The following KHDRBS1 variants were observed in gnomAD, a reference collection of about 807,000 sequenced individuals.
KHDRBS1 encodes KH RNA binding domain containing, signal transduction associated 1, also known as KH domain-containing, RNA-binding, signal transduction-associated protein 1.
KHDRBS1 carries 7 observed loss-of-function variants against 48.4 expected under a neutral mutation model. The ratio of observed to expected loss-of-function variants is 0.14; its 90% CI spans 0.08 to 0.27. The LOEUF is 0.27. Ranked by LOEUF, KHDRBS1 falls within the 10% of genes least tolerant of loss-of-function variation. The pLI is 1.00. For missense variants in KHDRBS1, 458 were observed against 601.2 expected (o/e 0.76, Z 2.49); for synonymous variants, 241 against 235.8 (o/e 1.02, Z -0.20).
intron 1 of KHDRBS1, among the ~76,000 whole-genome samples, chr1:32,019,103 A>G (rs969517345): frequency 2.0e-5 from 3 of 150,946 alleles, no homozygotes; most frequent in East Asian, 1.9e-4. Context: ...GTCTTAAAAA[A>G]CAAACAAACA....
In KHDRBS1 at chr1:32,039,586, C is replaced by T. The variant is rs561023203; in HGVS notation, c.1234+13C>T. 2 of 1,369,606 alleles carry T rather than the reference C, an allele frequency of 1.5e-6. No homozygotes were observed. The highest frequency in any genetic ancestry group is 4.6e-5 in the East Asian group (2 of 43,708). The allele number at this position is 1,369,606 out of a possible 1,614,324, so 84.8% of individuals were successfully genotyped here. A position where few individuals can be genotyped will look rare whatever the true frequency, so the allele number is the denominator to read the frequency against. On this transcript the variant is annotated intron_variant, in intron 8 of 8. Transcript: ENST00000327300. ...TATGAAGCTTATGGTATGTCTTTAT[C>T]TCTGTGGTGGGGCAGAATGTACAAG... is the stretch of plus-strand genomic sequence containing the variant.
chr1:32,024,492 T>A (rs115850310), intron 1 of KHDRBS1, among the ~76,000 whole-genome samples: 2,176 of 151,848 alleles, frequency 0.014, 17 homozygotes, highest in Middle Eastern at 0.061. Flanking sequence ...ATTTATTTTT[T>A]TTTTTTTTAA....
At chr1:32,026,639 T>C (rs1638976110) in intron 1 of KHDRBS1, among the ~76,000 whole-genome samples, 3 of 152,154 alleles carry the variant, frequency 2.0e-5, no homozygotes. Context: ...AAACACACCT[T>C]CTTGTAGGAG....
chr1:32,017,440 C>G (rs57244658), intron 1 of KHDRBS1, among the ~76,000 whole-genome samples: 4,114 of 150,408 alleles, frequency 0.027, 187 homozygotes, highest in African/African-American at 0.094. Flanking sequence ...TATTTATATA[C>G]TAAGTAAAAT....
exon 11 of KHDRBS1, chr1:32,060,488 ATG>A (rs1639530806): frequency 1.3e-5 from 2 of 152,086 alleles, no homozygotes; most frequent in Admixed American, 1.3e-4. Flanking sequence ...CATTCCCAGT[ATG>A]TGTGCTTCCC....
At chr1:32,047,643 A>G (rs568207465), downstream of KHDRBS1, among the ~76,000 whole-genome samples, 3 of 152,194 alleles carry the variant, frequency 2.0e-5, no homozygotes, top group South Asian at 4.1e-4. Context: ...GCATCATAAT[A>G]TCCTAACAGA....
chr1:32,036,593 G>C (rs752926383), intron 4 of KHDRBS1, among the ~76,000 whole-genome samples: 5 of 152,300 alleles, frequency 3.3e-5, no homozygotes, highest in Admixed American at 3.3e-4. Flanking sequence ...GCAAAGAATG[G>C]ATATGTAAGA....
chr1:32,015,061 C>T (rs768456106), intron 1 of KHDRBS1, among the ~76,000 whole-genome samples: 3 of 152,092 alleles, frequency 2.0e-5, no homozygotes, highest in Non-Finnish European at 4.4e-5. Flanking sequence ...GTGAAGTAAC[C>T]CTAGAGACAG....
intron 4 of KHDRBS1, 92 bp from the exon 5 acceptor site, chr1:32,036,818 T>A (rs1383716873): frequency 7.2e-7 from 1 of 1,384,752 alleles, no homozygotes; most frequent in Non-Finnish European, 9.8e-7. Context: ...TCTCAAGAGC[T>A]CTTCTTAGAA....
At chr1:32,016,848 C>A in intron 1 of KHDRBS1, among the ~76,000 whole-genome samples, 1 of 152,204 alleles carries the variant, frequency 6.6e-6, no homozygotes, top group East Asian at 1.9e-4. Flanking sequence ...AATCTTTTGT[C>A]TACTTTGTTC....
At chr1:32,041,962 C>T (rs1270652813) in intron 8 of KHDRBS1, among the ~76,000 whole-genome samples, 1 of 152,204 alleles carries the variant, frequency 6.6e-6, no homozygotes, top group Non-Finnish European at 1.5e-5. Context: ...GCAGTATCAG[C>T]TCTGCTGGTG....
At position 32,033,280 on chromosome 1, in the gene KHDRBS1, G is replaced by C. The variant is rs1382962110; in HGVS notation, c.717G>C (p.Glu239Asp). Residue 239 changes from glutamate (E) to aspartate (D), a missense_variant, in exon 4 of 9, where the codon GAG becomes GAC. Glu to Asp is a conservative substitution (Grantham distance 45). This residue lies in a region of KHDRBS1 where 74 missense variants were observed against 156.9 expected (regional missense o/e 0.47). Transcript: ENST00000327300. ...TTGAAGTCTTTGGACCCCCATGTGAGGCTTATGCTCTTATGGCCCATGCCA... is the reference window on the plus strand; with the variant it reads ...TTGAAGTCTTTGGACCCCCATGTGACGCTTATGCTCTTATGGCCCATGCCA... Reference protein sequence around the residue: ...VFIEVFGPPCEAYALMAHAME... With the variant: ...VFIEVFGPPCDAYALMAHAME... The C allele has an allele frequency of 1.9e-6, 3 of 1,614,184 alleles. No homozygotes were observed. The highest frequency in any genetic ancestry group is 2.5e-6 in the Non-Finnish European group (3 of 1,180,032).
Position 32,037,848 on chromosome 1 carries a change from G to A in KHDRBS1, c.919G>A (p.Gly307Arg). ...TTCATTTTGTAGGGGCCGTGGTGTTGGACCACCTCGGGGGGCTTTGGTACG... is the reference window on the plus strand; with the variant it reads ...TTCATTTTGTAGGGGCCGTGGTGTTAGACCACCTCGGGGGGCTTTGGTACG... ...PPPVPRGRGV[G>R]PPRGALVRGT... The change falls in exon 6 of 9, where the codon GGA becomes AGA. Residue 307 changes from glycine (G) to arginine (R), a missense_variant. Gly to Arg is a moderately radical substitution (Grantham distance 125, BLOSUM62 -2). Transcript: ENST00000327300. 6.2e-7 allele frequency: 1 copy of A among 1,613,908 alleles called. No individual in the cohort carries two copies. Among genetic ancestry groups the A allele is most frequent in the Non-Finnish European group, 8.5e-7 (1 of 1,179,814 alleles).
In KHDRBS1 at chr1:32,014,224, A is replaced by G; in HGVS notation, c.229A>G (p.Thr77Ala). 1 of 1,478,866 alleles carries G rather than the reference A, an allele frequency of 6.8e-7. No individual in the cohort carries two copies. Among genetic ancestry groups the G allele is most frequent in the Non-Finnish European group, 9.0e-7 (1 of 1,107,930 alleles). The allele number at this position is 1,478,866 out of a possible 1,614,324, so 91.6% of individuals were successfully genotyped here. Reference sequence around the variant, plus strand: ...GCCCTCGGCCACGGGTCCCGACGCGACAGTGGGCGGGCCAGCGCCGACCCC... The same window carrying G: ...GCCCTCGGCCACGGGTCCCGACGCGGCAGTGGGCGGGCCAGCGCCGACCCC... ...LPPSATGPDA[T>A]VGGPAPTPLL... Residue 77 changes from threonine (T) to alanine (A), a missense_variant, in exon 1 of 9, where the codon ACA (threonine) becomes GCA (alanine). Thr to Ala is a moderately conservative substitution (Grantham distance 58). Coordinates refer to ENST00000327300, the MANE Select transcript of KHDRBS1 (RefSeq NM_006559.3).
chr1:32,030,303 G>A lies in KHDRBS1; in HGVS notation c.388G>A (p.Glu130Lys). Residue 130 changes from glutamate to lysine, a missense_variant, in exon 2 of 9, where the codon GAG (glutamate) becomes AAG (lysine). Transcript: ENST00000327300. ...AAATTGTTTTTCCTATTCAGAAATT[G>A]AGAAGATTCAGAAAGGAGACTCAAA... ...HAMQLLTAEI[E>K]KIQKGDSKKD... is the part of the protein sequence containing the mutation. The A allele has an allele frequency of 6.2e-7, 1 of 1,600,912 alleles. No individual in the cohort carries two copies. Among genetic ancestry groups the A allele is most frequent in the East Asian group, 2.2e-5 (1 of 44,534 alleles).
intron 1 of KHDRBS1, among the ~76,000 whole-genome samples, chr1:32,025,281 T>A (rs1363266109): frequency 1.4e-5 from 2 of 142,760 alleles, no homozygotes; most frequent in East Asian, 2.2e-4. Flanking sequence ...AAAAAAAAAA[T>A]TCGGCTCCTC....
At chr1:32,028,564 G>A (rs1162726148) in intron 1 of KHDRBS1, among the ~76,000 whole-genome samples, 3 of 144,222 alleles carry the variant, frequency 2.1e-5, no homozygotes, top group Non-Finnish European at 3.0e-5. Flanking sequence ...GTGCAGTGGC[G>A]CGATCTCGGC....
chr1:32,050,561 G>A, intron 10 of KHDRBS1, among the ~76,000 whole-genome samples: 1 of 152,070 alleles, frequency 6.6e-6, no homozygotes, highest in Admixed American at 6.5e-5. Flanking sequence ...CCCCCAGGCT[G>A]GAGTGCAGTG....
rs974197238 is a variant in KHDRBS1 at position 32,016,217 on chromosome 1, G to GAAGAAAAAT, written c.382+1842_382+1850dup. ...AAAAAAAAAAAGAAAAGAACACACGGAAGAAAAATATAGCTAACACTTAAT... is the reference window on the plus strand; with the variant it reads ...AAAAAAAAAAAGAAAAGAACACACGGAAGAAAAATAAGAAAAATATAGCTAACACTTAAT... On this transcript the variant is annotated intron_variant, in intron 1 of 8. Transcript: ENST00000327300. Among the ~76,000 whole-genome samples the GAAGAAAAAT allele has an allele frequency of 4.0e-4, 61 of 150,984 alleles. No homozygotes were observed. The South Asian group carries it at 0.013, about 32-fold the overall frequency.
Sources: allele counts gnomAD v4.1 joint callset (sites outside exome capture counted in the v4.1 genomes callset), GRCh38; gene constraint gnomAD v4.1.1; regional missense constraint gnomAD v4.1.1; transcripts MANE v1.5; gene names NCBI Gene and HGNC (gene_info 2026-07-23, HGNC 2026-07-21).